The following ZNF536 variants were observed in gnomAD, a reference collection of about 807,000 sequenced individuals.
The protein encoded by ZNF536 is zinc finger protein 536.
ZNF536 carries 13 observed loss-of-function variants against 84.5 expected under a neutral mutation model. The ratio of observed to expected loss-of-function variants is 0.15; its 90% CI spans 0.10 to 0.24. The LOEUF (loss-of-function observed/expected upper bound fraction) is 0.24, where lower values mean the gene tolerates loss of function less well. Among genes scored for constraint, ZNF536 ranks in the 10% least tolerant of loss-of-function variants. The pLI, the probability that ZNF536 is intolerant of heterozygous loss-of-function variation, is 1.00. For missense variants in ZNF536, 1,536 were observed against 1,747.5 expected (o/e 0.88, Z 2.16); for synonymous variants, 811 against 742.5 (o/e 1.09, Z -1.50).
chr19:30,649,760 T>C (rs116900554), intron 1 of ZNF536, among the ~76,000 whole-genome samples: 270 of 152,196 alleles, frequency 1.8e-3, no homozygotes, highest in Admixed American at 2.9e-3. Context: ...AGGGGCAAAG[T>C]TGGAGTAATT....
chr19:30,410,705 C>G (rs1357682429), intron 1 of ZNF536, among the ~76,000 whole-genome samples: 2 of 151,956 alleles, frequency 1.3e-5, no homozygotes, highest in Non-Finnish European at 2.9e-5. Flanking sequence ...GTCTCGATCT[C>G]CTGACCTCGT....
At chr19:30,250,880 G>A (rs1040123199) in intron 1 of ZNF536, among the ~76,000 whole-genome samples, 4 of 150,954 alleles carry the variant, frequency 2.6e-5, no homozygotes, top group Non-Finnish European at 4.4e-5. Context: ...CAGATATCAA[G>A]TGTCAAATAC....
chr19:30,666,816 A>G (rs1157110994), intron 1 of ZNF536, among the ~76,000 whole-genome samples: 3 of 146,924 alleles, frequency 2.0e-5, no homozygotes, highest in Non-Finnish European at 4.5e-5. Flanking sequence ...ATGTATGTGT[A>G]TATATGTGTG....
At chr19:30,429,815 G>A (rs980097591) in intron 1 of ZNF536, among the ~76,000 whole-genome samples, 2 of 152,220 alleles carry the variant, frequency 1.3e-5, no homozygotes, top group African/African-American at 4.8e-5. Context: ...AATGCTGAAA[G>A]TAGCTAGGGA....
At chr19:30,517,430 C>G (rs888888419) in intron 2 of ZNF536, among the ~76,000 whole-genome samples, 4 of 152,028 alleles carry the variant, frequency 2.6e-5, no homozygotes, top group Non-Finnish European at 5.9e-5. Context: ...GGAAGGGGCC[C>G]GGTGGGGAGG....
At chr19:30,422,550 C>G (rs1175359645) in intron 1 of ZNF536, among the ~76,000 whole-genome samples, 1 of 152,180 alleles carries the variant, frequency 6.6e-6, no homozygotes, top group Non-Finnish European at 1.5e-5. Context: ...TTCCTGCTCT[C>G]AGTTTGGGTA....
At chr19:30,608,333 A>AT (rs200112875) in intron 1 of ZNF536, among the ~76,000 whole-genome samples, 43 of 150,994 alleles carry the variant, frequency 2.8e-4, no homozygotes, top group East Asian at 1.2e-3. Flanking sequence ...ACCTAGGGTC[A>AT]TTTTTTTTTG....
chr19:30,329,489 T>C (rs1323810157), intron 2 of ZNF536, among the ~76,000 whole-genome samples: 1 of 152,204 alleles, frequency 6.6e-6, no homozygotes, highest in African/African-American at 2.4e-5. Context: ...AGTTAAGTTT[T>C]TGGAGTTCTG....
intron 2 of ZNF536, among the ~76,000 whole-genome samples, chr19:30,450,075 ATT>A (rs34039352): frequency 1.5e-3 from 192 of 131,800 alleles, no homozygotes; most frequent in African/African-American, 4.6e-3. Context: ...TAAGATCTTC[ATT>A]TTTTTTTTTT....
chr19:30,542,106 A>C (rs986516252), intron 3 of ZNF536, among the ~76,000 whole-genome samples: 2 of 152,334 alleles, frequency 1.3e-5, no homozygotes, highest in Non-Finnish European at 2.9e-5. Context: ...TTAGCAAAAA[A>C]AACAAAAACA....
chr19:30,511,290 T>C (rs770331366), intron 2 of ZNF536, among the ~76,000 whole-genome samples: 2 of 152,158 alleles, frequency 1.3e-5, no homozygotes, highest in Non-Finnish European at 2.9e-5. Context: ...CCTTGTCTGA[T>C]AGAATGTCAC....
At chr19:30,479,048 C>T (rs1016274161) in intron 2 of ZNF536, among the ~76,000 whole-genome samples, 12 of 152,226 alleles carry the variant, frequency 7.9e-5, no homozygotes, top group African/African-American at 2.9e-4. Context: ...GCCCTCTCCC[C>T]AGTCCTGCAT....
intron 3 of ZNF536, among the ~76,000 whole-genome samples, chr19:30,540,073 TC>T (rs1306703478): frequency 6.6e-6 from 1 of 152,114 alleles, no homozygotes; most frequent in Non-Finnish European, 1.5e-5. Context: ...CAGCCCCGAG[TC>T]GGGAACCTCT....
At chr19:30,656,618 G>A (rs551737722) in intron 1 of ZNF536, among the ~76,000 whole-genome samples, 15 of 152,276 alleles carry the variant, frequency 9.9e-5, no homozygotes, top group East Asian at 3.9e-4. Flanking sequence ...TTCCCTTCTC[G>A]GCAGGGACGC....
intron 1 of ZNF536, among the ~76,000 whole-genome samples, chr19:30,610,102 G>A (rs1402128974): frequency 6.6e-6 from 1 of 152,214 alleles, no homozygotes; most frequent in Non-Finnish European, 1.5e-5. Flanking sequence ...AGGCACTGTG[G>A]AAAGACAAAA....
chr19:30,489,491 A>C (rs2054424336), intron 2 of ZNF536, among the ~76,000 whole-genome samples: 1 of 152,126 alleles, frequency 6.6e-6, no homozygotes, highest in Non-Finnish European at 1.5e-5. Context: ...GTGAGGTGGG[A>C]GGATCGCTTG....
chr19:30,433,404 C>T (rs903593194), intron 1 of ZNF536, among the ~76,000 whole-genome samples: 4 of 152,310 alleles, frequency 2.6e-5, no homozygotes, highest in African/African-American at 9.6e-5. Flanking sequence ...CCATGTCTTG[C>T]CACATGTAGG....
chr19:30,640,603 C>A lies in ZNF536; in HGVS notation c.170-70154C>A, dbSNP rs566842321. On this transcript the variant is annotated intron_variant, in intron 1 of 1. Transcript: ENST00000592773. ...CCAAGATCCTCCAGGCTTCTCCCTGCACCGTCTTACCAGCCTGCAAGGCAG... is the reference window on the plus strand; with the variant it reads ...CCAAGATCCTCCAGGCTTCTCCCTGAACCGTCTTACCAGCCTGCAAGGCAG... Among the ~76,000 whole-genome samples, 77 of 152,310 alleles carry A rather than the reference C, an allele frequency of 5.1e-4. 1 individual carries two copies. The highest frequency in any genetic ancestry group is 1.7e-3 in the African/African-American group (72 of 41,582).
intron 2 of ZNF536, among the ~76,000 whole-genome samples, chr19:30,302,173 A>T (rs985520383): frequency 2.0e-5 from 3 of 152,224 alleles, no homozygotes; most frequent in African/African-American, 7.2e-5. Flanking sequence ...GCACTGGTGC[A>T]ATGATGTGGA....
Sources: gnomAD v4.1 joint callset for allele counts (sites outside exome capture counted in the v4.1 genomes callset) on GRCh38, gnomAD v4.1.1 for gene constraint, MANE v1.5 for transcripts, NCBI Gene and HGNC (gene_info 2026-07-23, HGNC 2026-07-21) for gene names.